Variants in TRPM6 observed in about 807,000 individuals in gnomAD.
TRPM6 encodes the protein channel kinase 2.
TRPM6 carries 111 observed loss-of-function variants against 247.6 expected under a neutral mutation model. The observed-to-expected ratio is 0.45, with a 90% CI of 0.38 to 0.52. The LOEUF is 0.52. TRPM6 is among the 20% of genes least tolerant of loss of function. The pLI is 0.00. For synonymous variants in TRPM6, 892 were observed against 853.8 expected (o/e 1.04, Z -0.78); for missense variants, 2,126 against 2,421.5 (o/e 0.88, Z 2.56).
In TRPM6 at chr9:74,818,937, AAAG is replaced by A. The variant is rs1829047919; in HGVS notation, c.1134+1364_1134+1366del. Among the ~76,000 whole-genome samples, 6 of 152,210 alleles carry A rather than the reference AAAG, an allele frequency of 3.9e-5. No homozygotes were observed. The South Asian group carries it at 1.2e-3, about 32-fold the overall frequency. ...ATTTGCTCCAGCCTTCAGATTCTAG[AAAG>A]ATCACCTTGAATCATGACATATCTG... On this transcript the variant is annotated intron_variant, in intron 9 of 38. Transcript: ENST00000360774.
intron 1 of TRPM6, among the ~76,000 whole-genome samples, chr9:74,886,443 C>T (rs1831530763): frequency 6.6e-6 from 1 of 152,106 alleles, no homozygotes; most frequent in South Asian, 2.1e-4. Context: ...GTGATCATTT[C>T]TCCCTAGAAC....
chr9:74,724,470 C>T lies in TRPM6; in HGVS notation c.*143G>A. 1 of 1,189,936 alleles carries T rather than the reference C, an allele frequency of 8.4e-7. No individual in the cohort carries two copies. The highest frequency in any genetic ancestry group is 1.2e-6 in the Non-Finnish European group (1 of 809,936). The allele number at this position is 1,189,936 out of a possible 1,614,324, so 73.7% of individuals were successfully genotyped here. On this transcript the variant is annotated 3_prime_UTR_variant, in exon 39 of 39. Transcript: ENST00000360774. ...ACCCATTGATCATATACCAATGAGG[C>T]CTTTGAACAGAAGGAGATGTGAGGC...
In TRPM6 at chr9:74,817,753, C is replaced by T. The variant is rs145067221; in HGVS notation, c.1135-789G>A. On this transcript the variant is annotated intron_variant, in intron 9 of 38. Transcript: ENST00000360774. ...TGCTTCAAAAAAAGGGGGGGGGAGT[C>T]ACCTGTTATTAATGGCTATATCTCA... 1.9e-3 allele frequency among the ~76,000 whole-genome samples: 286 copies of T among 151,540 alleles called. 6 individuals carry two copies. The highest frequency in any genetic ancestry group is 6.6e-3 in the African/African-American group (271 of 41,204).
intron 38 of TRPM6, among the ~76,000 whole-genome samples, chr9:74,725,289 G>A (rs1007284127): frequency 3.3e-5 from 5 of 152,118 alleles, no homozygotes; most frequent in African/African-American, 7.2e-5. Context: ...AGACATGTAC[G>A]GAGGAAAATG....
At chr9:74,733,205 GA>G (rs1024093242) in intron 36 of TRPM6, among the ~76,000 whole-genome samples, 108 of 128,184 alleles carry the variant, frequency 8.4e-4, no homozygotes, top group East Asian at 3.4e-3. Context: ...CTATCTCAAA[GA>G]AAAAAAAAAA....
At position 74,750,688 on chromosome 9, in the gene TRPM6, C is replaced by T. The variant is rs201607540; in HGVS notation, c.5033G>A (p.Ser1678Asn). The T allele has an allele frequency of 1.2e-6, 2 of 1,613,850 alleles. No homozygotes were observed. The highest frequency in any genetic ancestry group is 2.7e-5 in the African/African-American group (2 of 75,040). The change falls in exon 30 of 39, where the codon AGC becomes AAC. Residue 1678 changes from serine (S) to asparagine (N), a missense_variant. This residue lies in a region of TRPM6 where 717 missense variants were observed against 715.9 expected (regional missense o/e 1.00). Coordinates refer to ENST00000360774, the MANE Select transcript of TRPM6 (RefSeq NM_017662.5). Reference sequence around the variant, plus strand: ...CAGGGAGTTCCTATTGAGGTTGGTGCTCCTGGAATTCCACAAAGAGTTTTT... The same window carrying T: ...CAGGGAGTTCCTATTGAGGTTGGTGTTCCTGGAATTCCACAAAGAGTTTTT... ...LSKNSLWNSR[S>N]TNLNRNSLLK...
intron 25 of TRPM6, among the ~76,000 whole-genome samples, chr9:74,769,050 T>C (rs917059103): frequency 1.3e-5 from 2 of 152,212 alleles, no homozygotes; most frequent in African/African-American, 2.4e-5. Flanking sequence ...ATAACTTTCA[T>C]TGTACTCTTA....
At chr9:74,851,762 A>ATATATATATATAT (rs1470921896) in intron 3 of TRPM6, among the ~76,000 whole-genome samples, 21 of 116,606 alleles carry the variant, frequency 1.8e-4, no homozygotes. Flanking sequence ...AAAAAAAAAA[A>ATATATATATATAT]AATATATATA....
intron 9 of TRPM6, among the ~76,000 whole-genome samples, chr9:74,818,293 C>CTTTTTTTTTTTT (rs1161401022): frequency 1.8e-4 from 13 of 72,024 alleles, no homozygotes; most frequent in African/African-American, 8.0e-4. Flanking sequence ...TCTATCATTT[C>CTTTTTTTTTTTT]TTTTTTTTTT....
At chr9:74,727,351 C>T (rs1451527070) in intron 38 of TRPM6, among the ~76,000 whole-genome samples, 2 of 140,410 alleles carry the variant, frequency 1.4e-5, no homozygotes, top group African/African-American at 5.4e-5. Flanking sequence ...CACTGTGCTC[C>T]AGCCTGGGCG....
intron 11 of TRPM6, among the ~76,000 whole-genome samples, chr9:74,813,680 C>T (rs1405298002): frequency 6.6e-6 from 1 of 152,158 alleles, no homozygotes; most frequent in Non-Finnish European, 1.5e-5. Context: ...TTATCCGCTA[C>T]ACTTAAACAA....
Position 74,776,018 on chromosome 9 carries a change from G to A in TRPM6, c.3268C>T (p.Arg1090Cys), listed in dbSNP as rs1827207244. 2.5e-6 allele frequency: 4 copies of A among 1,613,996 alleles called. No homozygotes were observed. Among genetic ancestry groups the A allele is most frequent in the East Asian group, 2.2e-5 (1 of 44,876 alleles). The change falls in exon 24 of 39, where the codon CGC becomes TGC. Residue 1090 changes from arginine to cysteine, a missense_variant. Physicochemically the swap from Arg to Cys is radical, Grantham distance 180 (BLOSUM62 -3). Around this residue, in one of 3 missense-constraint regions of TRPM6, gnomAD observed 717 missense variants for 715.9 expected, o/e 1.00. Transcript: ENST00000360774. ...TTCTCGTGGTAGGTCATGATGTAGC[G>A]ATAGCGGTTGTATTTCCACAGGTTA... is the stretch of plus-strand genomic sequence containing the variant. ...SNNLWKYNRY[R>C]YIMTYHEKPW...
chr9:74,812,243 A>G, intron 12 of TRPM6, 56 bp downstream of exon 12: 1 of 1,609,578 alleles, frequency 6.2e-7, no homozygotes, highest in African/African-American at 1.3e-5. Context: ...CTGCTTGATG[A>G]TCCTTGCTCT....
chr9:74,825,579 A>G lies in TRPM6; in HGVS notation c.841+2199T>C, dbSNP rs1159256204. On this transcript the variant is annotated intron_variant, in intron 7 of 38. Transcript: ENST00000360774. ...TTACCAGTCCACTGGAATTGACTCCATAGTCAGCAAAAGCCTCCAGATAAA... is the reference window on the plus strand; with the variant it reads ...TTACCAGTCCACTGGAATTGACTCCGTAGTCAGCAAAAGCCTCCAGATAAA... 1.3e-5 allele frequency among the ~76,000 whole-genome samples: 2 copies of G among 152,074 alleles called. 1 individual carries two copies. Among genetic ancestry groups the G allele is most frequent in the South Asian group, 4.1e-4 (2 of 4,826 alleles).
At chr9:74,766,919 A>G (rs75880015) in intron 25 of TRPM6, among the ~76,000 whole-genome samples, 3,474 of 152,190 alleles carry the variant, frequency 0.023, 134 homozygotes, top group African/African-American at 0.079. Context: ...TCAAAAAAAA[A>G]GAGAGGTTAG....
chr9:74,885,725 T>A lies in TRPM6; in HGVS notation c.33+2099A>T, dbSNP rs535934381. 7.9e-5 allele frequency among the ~76,000 whole-genome samples: 12 copies of A among 152,232 alleles called. No homozygotes were observed. The East Asian group carries it at 1.7e-3, about 22-fold the overall frequency. ...AGCATGGTATTGATTCTACCAGAAGTATAATGAAAATCACTCAGATTATTT... is the reference window on the plus strand; with the variant it reads ...AGCATGGTATTGATTCTACCAGAAGAATAATGAAAATCACTCAGATTATTT... On this transcript the variant is annotated intron_variant, in intron 1 of 38. Coordinates refer to ENST00000360774, the MANE Select transcript of TRPM6 (RefSeq NM_017662.5).
At chr9:74,725,284 T>G (rs1825277699) in intron 38 of TRPM6, among the ~76,000 whole-genome samples, 1 of 152,202 alleles carries the variant, frequency 6.6e-6, no homozygotes, top group Admixed American at 6.5e-5. Context: ...TTGTAAGACA[T>G]GTACGGAGGA....
intron 29 of TRPM6, among the ~76,000 whole-genome samples, chr9:74,751,674 T>C (rs1358746947): frequency 6.6e-6 from 1 of 152,312 alleles, no homozygotes; most frequent in East Asian, 1.9e-4. Context: ...AAAAACAGAC[T>C]GCAAAACCGG....
intron 14 of TRPM6, chr9:74,804,459 A>G (rs917168525): frequency 8.2e-6 from 5 of 610,054 alleles, no homozygotes; most frequent in Admixed American, 2.6e-5. Flanking sequence ...AACATAAAAT[A>G]TGATAAAAAC....
Sources: gnomAD v4.1 joint callset for allele counts (sites outside exome capture counted in the v4.1 genomes callset) on GRCh38, gnomAD v4.1.1 for gene constraint, gnomAD v4.1.1 regional missense constraint, MANE v1.5 for transcripts, NCBI Gene and HGNC (gene_info 2026-07-23, HGNC 2026-07-21) for gene names.